Variants in BCAS3 observed in about 807,000 individuals in gnomAD.
The protein encoded by BCAS3 is BCAS4/BCAS3 fusion.
A neutral mutation model predicts 116.1 loss-of-function variants in BCAS3; 53 were observed. That is an observed-to-expected ratio of 0.46 (90% CI 0.37 to 0.57). The LOEUF is 0.57. Ranked by LOEUF, BCAS3 falls within the 20% of genes least tolerant of loss-of-function variation. The probability of loss-of-function intolerance (pLI) is 0.00; values close to 1 mark genes in which losing one functional copy is unlikely to be tolerated. For synonymous variants in BCAS3, 391 were observed against 408.2 expected (o/e 0.96, Z 0.51); for missense variants, 917 against 1,165.4 (o/e 0.79, Z 3.10).
At chr17:60,775,385 A>T (rs2045178054) in intron 6 of BCAS3, among the ~76,000 whole-genome samples, 1 of 152,050 alleles carries the variant, frequency 6.6e-6, no homozygotes, top group South Asian at 2.1e-4. Flanking sequence ...GTCTGGCATC[A>T]TTTTTTTCTT....
At chr17:60,811,358 G>A in intron 7 of BCAS3, 1 of 641,868 alleles carries the variant, frequency 1.6e-6, no homozygotes, top group Admixed American at 2.0e-5. Flanking sequence ...TGATACCCCA[G>A]ACAGCAGCAA....
chr17:61,222,295 C>T lies in BCAS3; in HGVS notation c.2425+137731C>T, dbSNP rs554672217. ...AACCATAGACTTCAATTTTGAAAAC[C>T]TCTGTTCTCTTTTACAGTCGAAAAG... On this transcript the variant is annotated intron_variant, in intron 22 of 23. Transcript: ENST00000407086. This position sits in a 1 kb window ranked among gnomAD's most constrained non-coding sequence, Gnocchi z 6.1. Among the ~76,000 whole-genome samples, 2 of 152,282 alleles carry T rather than the reference C, an allele frequency of 1.3e-5. No homozygotes were observed. Among genetic ancestry groups the T allele is most frequent in the South Asian group, 2.1e-4 (1 of 4,824 alleles).
rs1369108961 is a variant in BCAS3, at chr17:61,134,894, T to C, written c.2425+50330T>C. Among the ~76,000 whole-genome samples, 1 of 152,222 alleles carries C rather than the reference T, an allele frequency of 6.6e-6. No homozygotes were observed. The highest frequency in any genetic ancestry group is 1.9e-4 in the East Asian group (1 of 5,200). ...CTACTTTTCTCTTAGATTGTTGTTTTGTTTTTTTTTGAAATAAAACATTTG... is the reference window on the plus strand; with the variant it reads ...CTACTTTTCTCTTAGATTGTTGTTTCGTTTTTTTTTGAAATAAAACATTTG... On this transcript the variant is annotated intron_variant, in intron 22 of 23. Transcript: ENST00000407086. This position sits in a 1 kb window ranked among gnomAD's most constrained non-coding sequence, Gnocchi z 4.6.
chr17:61,128,088 C>T lies in BCAS3; in HGVS notation c.2425+43524C>T, dbSNP rs903281010. The T allele has an allele frequency of 1.5e-6, 1 of 646,172 alleles. No homozygotes were observed. Among genetic ancestry groups the T allele is most frequent in the East Asian group, 1.4e-4 (1 of 7,244 alleles). The allele number at this position is 646,172 out of a possible 1,614,324, so 40.0% of individuals were successfully genotyped here. ...GATTAAGGAGTTTGAATGTAATTAC[C>T]CAAAGTTTGGCTTTTCTTTTAAAGA... On this transcript the variant is annotated intron_variant, in intron 22 of 23. Transcript: ENST00000407086. The surrounding 1 kb of genome is among the most constrained non-coding windows in gnomAD (Gnocchi z 4.1).
chr17:60,739,877 G>GT (rs199781421), intron 5 of BCAS3, among the ~76,000 whole-genome samples: 2,381 of 146,044 alleles, frequency 0.016, 72 homozygotes, highest in African/African-American at 0.061. Flanking sequence ...TGTTTTTTTT[G>GT]TTTTTGTTTT....
chr17:60,970,501 C>T (rs1271709460), intron 14 of BCAS3, among the ~76,000 whole-genome samples: 4 of 152,058 alleles, frequency 2.6e-5, no homozygotes, highest in Admixed American at 2.0e-4. Flanking sequence ...TTAAAAGATA[C>T]ATCATCCAAA....
chr17:61,064,798 A>G (rs891614482), intron 19 of BCAS3, among the ~76,000 whole-genome samples: 1 of 152,224 alleles, frequency 6.6e-6, no homozygotes, highest in Non-Finnish European at 1.5e-5. Flanking sequence ...GAGAACATCT[A>G]TGGTACTACA....
chr17:60,851,424 G>T, intron 7 of BCAS3: 1 of 424,152 alleles, frequency 2.4e-6, no homozygotes, highest in Non-Finnish European at 4.7e-6. Flanking sequence ...GGCCGCCAAG[G>T]AAGAGGCCAA....
chr17:60,837,258 CA>C (rs1380351352), intron 7 of BCAS3, among the ~76,000 whole-genome samples: 1 of 152,190 alleles, frequency 6.6e-6, no homozygotes, highest in Non-Finnish European at 1.5e-5. Flanking sequence ...TAAACATCCA[CA>C]ACCTTGTTTA....
At chr17:61,288,835 G>A (rs1435870701) in intron 22 of BCAS3, among the ~76,000 whole-genome samples, 2 of 152,228 alleles carry the variant, frequency 1.3e-5, no homozygotes, top group African/African-American at 4.8e-5. Context: ...GGCCTAGCCA[G>A]GATGGTGGCT....
intron 5 of BCAS3, among the ~76,000 whole-genome samples, chr17:60,710,647 G>A (rs1329900876): frequency 6.6e-6 from 1 of 151,734 alleles, no homozygotes; most frequent in Non-Finnish European, 1.5e-5. Context: ...TAGCCAGGAT[G>A]ATCTTGATCT....
In BCAS3 at chr17:61,327,535, C is replaced by T. The variant is rs2055837955; in HGVS notation, c.2426-40792C>T. Among the ~76,000 whole-genome samples, 1 of 151,750 alleles carries T rather than the reference C, an allele frequency of 6.6e-6. No homozygotes were observed. Among genetic ancestry groups the T allele is most frequent in the Non-Finnish European group, 1.5e-5 (1 of 67,954 alleles). Reference sequence around the variant, plus strand: ...ATTTTTTTTTTTTTAGACAGAGTCTCACTCTGTCACCCAGGCTGGAGAGTA... The same window carrying T: ...ATTTTTTTTTTTTTAGACAGAGTCTTACTCTGTCACCCAGGCTGGAGAGTA... On this transcript the variant is annotated intron_variant, in intron 22 of 23. Coordinates refer to ENST00000407086, the MANE Select transcript of BCAS3 (RefSeq NM_017679.5). This position sits in a 1 kb window ranked among gnomAD's most constrained non-coding sequence, Gnocchi z 5.9.
In BCAS3 at chr17:61,151,257, T is replaced by G. The variant is rs1783286635; in HGVS notation, c.2425+66693T>G. 6.6e-6 allele frequency among the ~76,000 whole-genome samples: 1 copy of G among 152,128 alleles called. No individual in the cohort carries two copies. Among genetic ancestry groups the G allele is most frequent in the African/African-American group, 2.4e-5 (1 of 41,426 alleles). On this transcript the variant is annotated intron_variant, in intron 22 of 23. Transcript: ENST00000407086. This position sits in a 1 kb window ranked among gnomAD's most constrained non-coding sequence, Gnocchi z 4.8. ...GATTTTCGATCTTCAGATTAGGGATTCTCAACCAGTAAGTATATAATGCAA... is the reference window on the plus strand; with the variant it reads ...GATTTTCGATCTTCAGATTAGGGATGCTCAACCAGTAAGTATATAATGCAA...
chr17:60,780,646 G>A (rs749560494), intron 6 of BCAS3, among the ~76,000 whole-genome samples: 12 of 152,034 alleles, frequency 7.9e-5, no homozygotes, highest in Non-Finnish European at 1.5e-4. Context: ...GTAACTTGTC[G>A]TACACAGAGA....
chr17:61,002,749 A>G (rs2064338381), intron 15 of BCAS3: 1 of 152,000 alleles, frequency 6.6e-6, no homozygotes, highest in African/African-American at 2.4e-5. Context: ...CATTATGCTA[A>G]ATGTTTTTTT....
At position 61,365,068 on chromosome 17, in the gene BCAS3, A is replaced by G. The variant is rs2143482124; in HGVS notation, c.2426-3259A>G. 6.6e-6 allele frequency among the ~76,000 whole-genome samples: 1 copy of G among 152,170 alleles called. No homozygotes were observed. The highest frequency in any genetic ancestry group is 1.9e-4 in the East Asian group (1 of 5,196). Reference sequence around the variant, plus strand: ...TTTATCTACTGCAGTCCTCACAACAATCCTATGTGGTTGTATTGTTTTTCC... The same window carrying G: ...TTTATCTACTGCAGTCCTCACAACAGTCCTATGTGGTTGTATTGTTTTTCC... On this transcript the variant is annotated intron_variant, in intron 22 of 23. Coordinates refer to ENST00000407086, the MANE Select transcript of BCAS3 (RefSeq NM_017679.5). This position sits in a 1 kb window ranked among gnomAD's most constrained non-coding sequence, Gnocchi z 4.6.
At chr17:60,910,767 A>G (rs2058451309) in intron 12 of BCAS3, 65 bp downstream of exon 12, 2 of 1,392,582 alleles carry the variant, frequency 1.4e-6, no homozygotes, top group East Asian at 2.5e-5. Context: ...GATCAAGATT[A>G]GTCAAAATGT....
intron 13 of BCAS3, among the ~76,000 whole-genome samples, chr17:60,936,635 C>T (rs2059944439): frequency 1.3e-5 from 2 of 152,154 alleles, no homozygotes; most frequent in Admixed American, 6.5e-5. Context: ...TTTCATGTGT[C>T]TTTTGGCTGC....
intron 4 of BCAS3, among the ~76,000 whole-genome samples, chr17:60,697,815 G>A (rs915485613): frequency 2.0e-5 from 3 of 152,028 alleles, no homozygotes; most frequent in African/African-American, 2.4e-5. Context: ...AACCATGCAA[G>A]AATGCTAGAT....
Sources: gnomAD v4.1 joint callset for allele counts (sites outside exome capture counted in the v4.1 genomes callset) on GRCh38, gnomAD v4.1.1 for gene constraint, Gnocchi (gnomAD v3.1) non-coding constraint, MANE v1.5 for transcripts, NCBI Gene and HGNC (gene_info 2026-07-23, HGNC 2026-07-21) for gene names.